Variants in PAXBP1 observed in about 807,000 individuals in gnomAD.
PAXBP1 encodes the protein PAX3 and PAX7 binding protein 1.
A neutral mutation model predicts 119.9 loss-of-function variants in PAXBP1; 44 were observed. The observed-to-expected ratio is 0.37, with a 90% CI of 0.29 to 0.47. The LOEUF is 0.47. PAXBP1 is among the 20% of genes least tolerant of loss of function. The pLI, the probability that PAXBP1 is intolerant of heterozygous loss-of-function variation, is 0.99. For synonymous variants in PAXBP1, 393 were observed against 406.6 expected (o/e 0.97, Z 0.40); for missense variants, 898 against 1,134.1 (o/e 0.79, Z 2.99).
chr21:32,748,383 C>A, intron 11 of PAXBP1, 116 bp downstream of exon 11: 1 of 830,806 alleles, frequency 1.2e-6, no homozygotes, highest in Non-Finnish European at 1.9e-6. Context: ...CAATTATAGC[C>A]TATGCCCTAT....
intron 7 of PAXBP1, among the ~76,000 whole-genome samples, chr21:32,758,629 AATC>A (rs374929020): frequency 2.2e-3 from 323 of 146,756 alleles, no homozygotes; most frequent in African/African-American, 7.5e-3. Flanking sequence ...CAACAATGGT[AATC>A]ATCATCCAGG....
At chr21:32,746,043 T>C (rs529169503) in intron 11 of PAXBP1, among the ~76,000 whole-genome samples, 67 of 152,198 alleles carry the variant, frequency 4.4e-4, no homozygotes, top group Middle Eastern at 3.4e-3. Context: ...ATAAATGGTG[T>C]TGGGAGAATT....
intron 10 of PAXBP1, among the ~76,000 whole-genome samples, chr21:32,749,781 G>A (rs1409590863): frequency 2.0e-5 from 3 of 152,098 alleles, no homozygotes; most frequent in African/African-American, 7.2e-5. Flanking sequence ...AATGCTATGA[G>A]GAAACATACA....
At chr21:32,747,880 C>T (rs1013477577) in intron 11 of PAXBP1, among the ~76,000 whole-genome samples, 5 of 151,770 alleles carry the variant, frequency 3.3e-5, no homozygotes, top group African/African-American at 4.8e-5. Context: ...CTTGATCTCC[C>T]GGGCTCAAGC....
intron 15 of PAXBP1, chr21:32,741,465 A>T (rs1416731832): frequency 1.4e-6 from 1 of 737,784 alleles, no homozygotes; most frequent in South Asian, 1.5e-5. Context: ...AAATATGTAC[A>T]GGCATGCAGA....
At chr21:32,760,069 A>C (rs2044114110) in intron 5 of PAXBP1, 75 bp from the exon 6 acceptor site, 3 of 1,193,002 alleles carry the variant, frequency 2.5e-6, no homozygotes, top group Non-Finnish European at 3.5e-6. Flanking sequence ...TTAGGGTTAA[A>C]AAATCAACAG....
chr21:32,747,198 T>C (rs1199705259), intron 11 of PAXBP1, among the ~76,000 whole-genome samples: 3 of 152,148 alleles, frequency 2.0e-5, no homozygotes, highest in Non-Finnish European at 4.4e-5. Flanking sequence ...TGTTTACCTA[T>C]GTAACAAATC....
At chr21:32,757,723 C>T (rs1362081723) in intron 7 of PAXBP1, among the ~76,000 whole-genome samples, 1 of 152,196 alleles carries the variant, frequency 6.6e-6, no homozygotes, top group African/African-American at 2.4e-5. Flanking sequence ...TCTCCAGGGA[C>T]AAACTCATAA....
rs528323010 is a variant in PAXBP1, at chr21:32,755,371, A to G, written c.1384-18T>C. Reference sequence around the variant, plus strand: ...AGTGGCACCTGTAAAAATACAACACACTCCGTAACACCAAACTCCTCAGCT... The same window carrying G: ...AGTGGCACCTGTAAAAATACAACACGCTCCGTAACACCAAACTCCTCAGCT... On this transcript the variant is annotated intron_variant, in intron 7 of 17. Coordinates refer to ENST00000331923, the MANE Select transcript of PAXBP1 (RefSeq NM_016631.4). 6.7e-5 allele frequency: 108 copies of G among 1,604,136 alleles called. No individual in the cohort carries two copies. Among genetic ancestry groups the G allele is most frequent in the Non-Finnish European group, 9.1e-5 (107 of 1,176,440 alleles).
chr21:32,771,752 C>T lies in PAXBP1; in HGVS notation c.-84G>A. On this transcript the variant is annotated 5_prime_UTR_variant, in exon 1 of 18. Transcript: ENST00000331923. ...GAGCTCGTGACGGCGCACGCGCGCTCTCCGGAGCTCCAGCCGGGTCGAGTC... is the reference window on the plus strand; with the variant it reads ...GAGCTCGTGACGGCGCACGCGCGCTTTCCGGAGCTCCAGCCGGGTCGAGTC... 1.7e-6 allele frequency: 2 copies of T among 1,197,608 alleles called. No homozygotes were observed. The highest frequency in any genetic ancestry group is 2.1e-6 in the Non-Finnish European group (2 of 932,376). 74.2% of individuals were successfully genotyped at this position (1,197,608 alleles called of 1,614,324 possible). A position where few individuals can be genotyped will look rare whatever the true frequency, so the allele number is the denominator to read the frequency against.
chr21:32,750,891 G>A, intron 10 of PAXBP1, 26 bp downstream of exon 10: 1 of 1,538,528 alleles, frequency 6.5e-7, no homozygotes, highest in Non-Finnish European at 8.9e-7. Flanking sequence ...CTGATGATGA[G>A]TCTTATTTCC....
chr21:32,735,203 T>A, intron 17 of PAXBP1, 136 bp from the exon 18 acceptor site: 2 of 641,708 alleles, frequency 3.1e-6, no homozygotes, highest in South Asian at 3.9e-5. Context: ...GAAACAGATA[T>A]GCAAGCTACA....
intron 4 of PAXBP1, 60 bp downstream of exon 4, chr21:32,762,036 C>A: frequency 1.3e-6 from 2 of 1,565,378 alleles, no homozygotes; most frequent in South Asian, 1.1e-5. Context: ...TGACACCCTG[C>A]CTTAAAACAA....
chr21:32,756,616 T>C (rs926737624), intron 7 of PAXBP1: 2 of 267,740 alleles, frequency 7.5e-6, no homozygotes, highest in Admixed American at 5.3e-5. Flanking sequence ...GATTTTTTTT[T>C]AGCAATTACT....
intron 15 of PAXBP1, chr21:32,742,771 C>T: frequency 3.5e-6 from 1 of 285,732 alleles, no homozygotes; most frequent in Non-Finnish European, 6.9e-6. Flanking sequence ...ATTCATATAA[C>T]CTTTACCACA....
chr21:32,744,652 C>A, intron 13 of PAXBP1, 140 bp downstream of exon 13: 1 of 820,936 alleles, frequency 1.2e-6, no homozygotes, highest in South Asian at 3.5e-5. Context: ...TTGTGTATTT[C>A]AGGCTTTAAT....
chr21:32,736,898 A>G (rs1367967471), intron 17 of PAXBP1, among the ~76,000 whole-genome samples: 2 of 152,164 alleles, frequency 1.3e-5, no homozygotes, highest in Non-Finnish European at 2.9e-5. Context: ...TAAAACAAAA[A>G]ATCTCCCCAA....
At chr21:32,755,758 T>C (rs1032789021) in intron 7 of PAXBP1, 2 of 161,216 alleles carry the variant, frequency 1.2e-5, no homozygotes, top group African/African-American at 4.8e-5. Flanking sequence ...AAGTAAAACA[T>C]TATCACTGTG....
intron 3 of PAXBP1, among the ~76,000 whole-genome samples, chr21:32,762,911 C>CAAAAAAAAAAA (rs763196446): frequency 2.1e-5 from 1 of 47,906 alleles, no homozygotes. Flanking sequence ...AACTCCGTCT[C>CAAAAAAAAAAA]AAAAAAAAAA....
Sources: allele counts gnomAD v4.1 joint callset (sites outside exome capture counted in the v4.1 genomes callset), GRCh38; gene constraint gnomAD v4.1.1; transcripts MANE v1.5; gene names NCBI Gene and HGNC (gene_info 2026-07-23, HGNC 2026-07-21).